The following MYBL1 variants were observed in gnomAD, a reference collection of about 807,000 sequenced individuals.
MYBL1 encodes the protein MYB proto-oncogene like 1.
Under a neutral mutation model 96.3 loss-of-function variants are expected in MYBL1, and 17 were observed. The observed-to-expected ratio is 0.18, with a 90% CI of 0.12 to 0.26. The LOEUF is 0.26. Ranked by LOEUF, MYBL1 falls within the 10% of genes least tolerant of loss-of-function variation. The pLI, the probability that MYBL1 is intolerant of heterozygous loss-of-function variation, is 1.00. For missense variants in MYBL1, 701 were observed against 882.9 expected (o/e 0.79, Z 2.61); for synonymous variants, 282 against 292.7 (o/e 0.96, Z 0.37).
intron 3 of MYBL1, 87 bp downstream of exon 3, chr8:66,601,610 AT>A: frequency 1.4e-6 from 1 of 710,740 alleles, no homozygotes; most frequent in Non-Finnish European, 2.3e-6. Flanking sequence ...TAAAATTAAA[AT>A]ATGTAGACAC....
intron 1 of MYBL1, among the ~76,000 whole-genome samples, chr8:66,607,530 C>G (rs1244193174): frequency 1.3e-5 from 2 of 152,118 alleles, no homozygotes; most frequent in African/African-American, 4.8e-5. Flanking sequence ...TCACCAAGAG[C>G]TCTATATTCC....
chr8:66,593,320 T>C, intron 6 of MYBL1, 126 bp from the exon 7 acceptor site: 1 of 555,954 alleles, frequency 1.8e-6, no homozygotes, highest in Non-Finnish European at 3.2e-6. Context: ...TGTATTAATT[T>C]TGAAATGTTA....
At chr8:66,567,141 T>A (rs1808537019) in intron 12 of MYBL1, 149 bp from the exon 13 acceptor site, 1 of 579,524 alleles carries the variant, frequency 1.7e-6, no homozygotes, top group Non-Finnish European at 3.0e-6. Context: ...TAATTCATGT[T>A]GTGGCAAAAC....
In MYBL1 at chr8:66,602,530, A is replaced by C; in HGVS notation, c.21-7T>G. The C allele has an allele frequency of 6.4e-7, 1 of 1,569,408 alleles. No individual in the cohort carries two copies. Among genetic ancestry groups the C allele is most frequent in the South Asian group, 1.2e-5 (1 of 85,740 alleles). ...GTCATCATCCTCATCCTCACTACAA[A>C]AAAAACACAATTTGTGATATCAAGA... On this transcript the variant is annotated splice_region_variant and splice_polypyrimidine_tract_variant and intron_variant, in intron 1 of 15. Coordinates refer to ENST00000522677, the MANE Select transcript of MYBL1 (RefSeq NM_001080416.4).
chr8:66,564,906 T>A, intron 15 of MYBL1, 81 bp from the exon 16 acceptor site: 2 of 814,492 alleles, frequency 2.5e-6, no homozygotes, highest in Non-Finnish European at 3.5e-6. Flanking sequence ...AAGTCAGTTA[T>A]TTTAACTGAT....
At chr8:66,571,566 A>C (rs1051162153) in intron 12 of MYBL1, among the ~76,000 whole-genome samples, 1 of 152,216 alleles carries the variant, frequency 6.6e-6, no homozygotes, top group South Asian at 2.1e-4. Context: ...TGAAACTACT[A>C]AAATGTATAT....
At position 66,592,468 on chromosome 8, in the gene MYBL1, T is replaced by A; in HGVS notation, c.839A>T (p.Asn280Ile). ...ELEMLLMSAE[N>I]EVRRKRIPSQ... ...TGGAATTCGCTTTCTTCTAACTTCA[T>A]TCTCAGCTGACATAAGAAGCATCTC... The change falls in exon 8 of 16, where the codon AAT (asparagine) becomes ATT (isoleucine). Residue 280 changes from asparagine to isoleucine, a missense_variant. By Grantham distance (149) the Asn-to-Ile change is moderately radical. Coordinates refer to ENST00000522677, the MANE Select transcript of MYBL1 (RefSeq NM_001080416.4). 2 of 1,602,216 alleles carry A rather than the reference T, an allele frequency of 1.2e-6. No homozygotes were observed. Among genetic ancestry groups the A allele is most frequent in the Non-Finnish European group, 1.7e-6 (2 of 1,177,438 alleles).
chr8:66,570,883 C>G (rs1808701956), intron 12 of MYBL1, among the ~76,000 whole-genome samples: 1 of 151,952 alleles, frequency 6.6e-6, no homozygotes, highest in Admixed American at 6.6e-5. Flanking sequence ...TAAATAAAAA[C>G]TCTAGGAAGC....
chr8:66,580,650 T>C (rs1435296450), intron 8 of MYBL1, among the ~76,000 whole-genome samples: 1 of 152,160 alleles, frequency 6.6e-6, no homozygotes, highest in Non-Finnish European at 1.5e-5. Context: ...AAACTTCATT[T>C]CTCAACACTT....
At chr8:66,588,042 TATTTC>T (rs1156641066) in intron 8 of MYBL1, among the ~76,000 whole-genome samples, 6 of 152,208 alleles carry the variant, frequency 3.9e-5, no homozygotes, top group Non-Finnish European at 8.8e-5. Context: ...AAAGTAATCT[TATTTC>T]ATTTCATTAT....
rs1313308545 is a variant in MYBL1, at chr8:66,562,399, G to A, written c.*2298C>T. 1 of 152,568 alleles carries A rather than the reference G, an allele frequency of 6.6e-6. No individual in the cohort carries two copies. The highest frequency in any genetic ancestry group is 2.4e-5 in the African/African-American group (1 of 41,434). The allele number at this position is 152,568 out of a possible 1,614,324, so 9.5% of individuals were successfully genotyped here. A position where few individuals can be genotyped will look rare whatever the true frequency, so the allele number is the denominator to read the frequency against. On this transcript the variant is annotated 3_prime_UTR_variant, in exon 16 of 16. Coordinates refer to ENST00000522677, the MANE Select transcript of MYBL1 (RefSeq NM_001080416.4). ...ATGTCTGGCATTTGTATAACATACTGAAAGAAACTCAGAGGAACAAAACAG... is the reference window on the plus strand; with the variant it reads ...ATGTCTGGCATTTGTATAACATACTAAAAGAAACTCAGAGGAACAAAACAG...
At chr8:66,611,248 T>C (rs979235584) in intron 1 of MYBL1, among the ~76,000 whole-genome samples, 13 of 152,232 alleles carry the variant, frequency 8.5e-5, no homozygotes, top group African/African-American at 3.1e-4. Flanking sequence ...AAGTAGATAA[T>C]ATCACACATT....
In MYBL1 at chr8:66,574,919, T is replaced by G. The variant is rs1289476947; in HGVS notation, c.1470+1088A>C. Among the ~76,000 whole-genome samples, 4 of 152,182 alleles carry G rather than the reference T, an allele frequency of 2.6e-5. No individual in the cohort carries two copies. In the East Asian group the frequency reaches 5.8e-4, roughly 22 times the overall value. ...AAAATACAAAATTAGCCGGGCGTGG[T>G]GGCACATGCCTGTAATCCCAGCTAC... is the stretch of plus-strand genomic sequence containing the variant. On this transcript the variant is annotated intron_variant, in intron 10 of 15. Coordinates refer to ENST00000522677, the MANE Select transcript of MYBL1 (RefSeq NM_001080416.4).
intron 8 of MYBL1, among the ~76,000 whole-genome samples, chr8:66,587,369 CA>C (rs368999381): frequency 3.3e-4 from 48 of 144,948 alleles, no homozygotes; most frequent in South Asian, 2.2e-3. Flanking sequence ...ATAATAAAAG[CA>C]AAAAAAAAAC....
intron 1 of MYBL1, among the ~76,000 whole-genome samples, chr8:66,604,998 A>C (rs543551391): frequency 6.6e-6 from 1 of 152,346 alleles, no homozygotes; most frequent in East Asian, 1.9e-4. Flanking sequence ...ACTTCCCAAC[A>C]GAGACATAAT....
rs928981820 is a variant in MYBL1 at position 66,562,826 on chromosome 8, C to T, written c.*1871G>A. The T allele has an allele frequency of 4.0e-5, 6 of 151,676 alleles. No homozygotes were observed. The highest frequency in any genetic ancestry group is 1.2e-4 in the African/African-American group (5 of 41,222). 9.4% of individuals were successfully genotyped at this position (151,676 alleles called of 1,614,324 possible). A position where few individuals can be genotyped will look rare whatever the true frequency, so the allele number is the denominator to read the frequency against. On this transcript the variant is annotated 3_prime_UTR_variant, in exon 16 of 16. Coordinates refer to ENST00000522677, the MANE Select transcript of MYBL1 (RefSeq NM_001080416.4). ...TTAGAAAGCAATCAACATACTTAAA[C>T]ATGCTAAGAGGATTCAAATTGGTTT...
chr8:66,566,605 A>T, intron 14 of MYBL1, 79 bp downstream of exon 14: 1 of 928,622 alleles, frequency 1.1e-6, no homozygotes, highest in Non-Finnish European at 1.6e-6. Context: ...TGAACTGGCT[A>T]CACAATGAGT....
In MYBL1 at chr8:66,612,955, C is replaced by A. The variant is rs1427199832; in HGVS notation, c.-117G>T. 2 of 1,162,716 alleles carry A rather than the reference C, an allele frequency of 1.7e-6. No individual in the cohort carries two copies. Among genetic ancestry groups the A allele is most frequent in the Admixed American group, 3.2e-5 (1 of 30,884 alleles). The allele number at this position is 1,162,716 out of a possible 1,614,324, so 72.0% of individuals were successfully genotyped here. A position where few individuals can be genotyped will look rare whatever the true frequency, so the allele number is the denominator to read the frequency against. ...CCGCTTCCCTCGCTCCCTCTGGAGG[C>A]GGCCGAGTGCGGAACGCACGTCCTC... On this transcript the variant is annotated 5_prime_UTR_variant, in exon 1 of 16. Transcript: ENST00000522677.
At chr8:66,603,566 C>A (rs1396787596) in intron 1 of MYBL1, among the ~76,000 whole-genome samples, 2 of 151,966 alleles carry the variant, frequency 1.3e-5, no homozygotes, top group Non-Finnish European at 2.9e-5. Flanking sequence ...TCACAGCTCA[C>A]TGTAGCCTCA....
Sources: gnomAD v4.1 joint callset for allele counts (sites outside exome capture counted in the v4.1 genomes callset) on GRCh38, gnomAD v4.1.1 for gene constraint, MANE v1.5 for transcripts, NCBI Gene and HGNC (gene_info 2026-07-23, HGNC 2026-07-21) for gene names.